Variants in KLHL12 observed in about 807,000 individuals in gnomAD.
The protein encoded by KLHL12 is kelch like family member 12.
A neutral mutation model predicts 60.8 loss-of-function variants in KLHL12; 17 were observed. That is an observed-to-expected ratio of 0.28 (90% CI 0.19 to 0.42). KLHL12 has a LOEUF of 0.42. KLHL12 is among the 10% of genes least tolerant of loss of function. The probability of loss-of-function intolerance (pLI) is 1.00; values close to 1 mark genes in which losing one functional copy is unlikely to be tolerated. For missense variants in KLHL12, 468 were observed against 722.3 expected, an observed-to-expected ratio of 0.65 and a Z score of 4.04; for synonymous variants, 220 against 250.9, an observed-to-expected ratio of 0.88 and a Z score of 1.16.
chr1:202,901,785 G>A lies in KLHL12; in HGVS notation c.833-4825C>T, dbSNP rs114442561. ...TGCCAACAGAGCTTTTGATAACTAT[G>A]AGAGCAACAGTGTTTCACACTGAAT... On this transcript the variant is annotated intron_variant, in intron 6 of 11. Coordinates refer to ENST00000367261, the MANE Select transcript of KLHL12 (RefSeq NM_021633.4). 4.1e-3 allele frequency among the ~76,000 whole-genome samples: 625 copies of A among 152,284 alleles called. 3 individuals carry two copies. The highest frequency in any genetic ancestry group is 0.014 in the African/African-American group (601 of 41,560).
chr1:202,892,901 G>A lies in KLHL12; in HGVS notation c.1581-242C>T, dbSNP rs1659721378. Among the ~76,000 whole-genome samples the A allele has an allele frequency of 2.6e-5, 4 of 152,028 alleles. No individual in the cohort carries two copies. The South Asian group carries it at 8.3e-4, about 32-fold the overall frequency. On this transcript the variant is annotated intron_variant, in intron 11 of 11. Transcript: ENST00000367261. Reference sequence around the variant, plus strand: ...CATTAAGGCTGCCACTGGAGGCCAGGCATGGTGACTCTCACCTGTAATCCT... The same window carrying A: ...CATTAAGGCTGCCACTGGAGGCCAGACATGGTGACTCTCACCTGTAATCCT...
intron 6 of KLHL12, among the ~76,000 whole-genome samples, chr1:202,902,782 G>A (rs1431884525): frequency 6.6e-6 from 1 of 152,062 alleles, no homozygotes; most frequent in Non-Finnish European, 1.5e-5. Flanking sequence ...ATGAACCCAG[G>A]AGATCAAGAC....
chr1:202,921,064 G>A (rs956163664), intron 2 of KLHL12, among the ~76,000 whole-genome samples: 2 of 152,040 alleles, frequency 1.3e-5, no homozygotes, highest in South Asian at 4.1e-4. Context: ...AGGCTGGAGT[G>A]CAGTGGTGTG....
upstream of KLHL12, chr1:202,927,291 C>CG: frequency 1.0e-6 from 1 of 985,198 alleles, no homozygotes. Context: ...CGCCCTCCCC[C>CG]CGCTCCAGAG....
upstream of KLHL12, among the ~76,000 whole-genome samples, chr1:202,927,519 C>CGAAAAA (rs1277986137): frequency 1.9e-5 from 1 of 52,814 alleles, no homozygotes; most frequent in African/African-American, 8.3e-5. Context: ...CCCGTTTCTA[C>CGAAAAA]AAAAAAAAAA....
At chr1:202,923,629 C>T (rs2102460752) in intron 2 of KLHL12, among the ~76,000 whole-genome samples, 1 of 152,142 alleles carries the variant, frequency 6.6e-6, no homozygotes, top group African/African-American at 2.4e-5. Flanking sequence ...AATGAAATCC[C>T]ACCTCTAGCA....
intron 6 of KLHL12, among the ~76,000 whole-genome samples, chr1:202,903,158 T>TAA (rs1660065345): frequency 6.5e-5 from 1 of 15,436 alleles, no homozygotes; most frequent in African/African-American, 3.0e-4. Flanking sequence ...AGACCTTGTC[T>TAA]CAAAAAAAAA....
At chr1:202,911,308 C>G in intron 4 of KLHL12, 105 bp from the exon 5 acceptor site, 1 of 1,271,148 alleles carries the variant, frequency 7.9e-7, no homozygotes. Flanking sequence ...CATTGCCCAC[C>G]ACCATTATTT....
At position 202,891,236 on chromosome 1, in the gene KLHL12, G is replaced by C. The variant is rs1241850601; in HGVS notation, c.*1297C>G. 6.6e-6 allele frequency: 1 copy of C among 152,560 alleles called. No individual in the cohort carries two copies. The highest frequency in any genetic ancestry group is 1.5e-5 in the Non-Finnish European group (1 of 68,024). The allele number at this position is 152,560 out of a possible 1,614,324, so 9.5% of individuals were successfully genotyped here. A position where few individuals can be genotyped will look rare whatever the true frequency, so the allele number is the denominator to read the frequency against. ...GGAATTTCAGAGCAAAGGTTGTTTA[G>C]GTTATCACATTCCCACACTCCTAAT... On this transcript the variant is annotated 3_prime_UTR_variant, in exon 12 of 12. Transcript: ENST00000367261.
intron 6 of KLHL12, among the ~76,000 whole-genome samples, chr1:202,903,483 A>G (rs145298894): frequency 1.7e-3 from 251 of 146,068 alleles, no homozygotes; most frequent in African/African-American, 6.0e-3. Context: ...TTTTTGAGAC[A>G]AGGTCTTGCT....
intron 6 of KLHL12, among the ~76,000 whole-genome samples, chr1:202,900,635 G>A (rs1012262210): frequency 5.9e-5 from 9 of 152,114 alleles, no homozygotes; most frequent in African/African-American, 1.7e-4. Flanking sequence ...AGGCCGAGGC[G>A]GGTGGATCAC....
Position 202,927,147 on chromosome 1 carries a change from T to A in KLHL12, c.-104A>T. On this transcript the variant is annotated 5_prime_UTR_variant, in exon 1 of 12. Coordinates refer to ENST00000367261, the MANE Select transcript of KLHL12 (RefSeq NM_021633.4). Reference sequence around the variant, plus strand: ...CCGTCCCCAGCCTGTGGGGATGGAGTGCGGCGCGGGGCTAGCAGGCGGCTC... The same window carrying A: ...CCGTCCCCAGCCTGTGGGGATGGAGAGCGGCGCGGGGCTAGCAGGCGGCTC... 1 of 985,156 alleles carries A rather than the reference T, an allele frequency of 1.0e-6. No individual in the cohort carries two copies. 61.0% of individuals were successfully genotyped at this position (985,156 alleles called of 1,614,324 possible). A position where few individuals can be genotyped will look rare whatever the true frequency, so the allele number is the denominator to read the frequency against.
chr1:202,901,641 A>G (rs1434948348), intron 6 of KLHL12, among the ~76,000 whole-genome samples: 1 of 151,964 alleles, frequency 6.6e-6, no homozygotes, highest in Non-Finnish European at 1.5e-5. Flanking sequence ...GGATCCTTCG[A>G]TCACTGATTC....
intron 4 of KLHL12, chr1:202,912,591 C>A: frequency 1.6e-6 from 2 of 1,286,468 alleles, no homozygotes; most frequent in Non-Finnish European, 1.1e-6. Flanking sequence ...AATTTTGGAC[C>A]CATGAAGGGA....
upstream of KLHL12, chr1:202,928,533 A>C: frequency 7.7e-7 from 1 of 1,304,406 alleles, no homozygotes; most frequent in Non-Finnish European, 1.0e-6. Context: ...AGAGGCCTCA[A>C]ATTTATTCAC....
intron 6 of KLHL12, 23 bp downstream of exon 6, chr1:202,908,987 A>C: frequency 6.9e-7 from 1 of 1,455,468 alleles, no homozygotes; most frequent in African/African-American, 1.4e-5. Flanking sequence ...GCATCCCCTC[A>C]TTCTGCCGAG....
rs200771973 is a variant in KLHL12, at chr1:202,925,301, T to C, written c.-45-94A>G. 4.9e-5 allele frequency: 69 copies of C among 1,406,012 alleles called. No homozygotes were observed. The East Asian group carries it at 1.8e-3, about 37-fold the overall frequency. The allele number at this position is 1,406,012 out of a possible 1,614,324, so 87.1% of individuals were successfully genotyped here. A position where few individuals can be genotyped will look rare whatever the true frequency, so the allele number is the denominator to read the frequency against. On this transcript the variant is annotated intron_variant, in intron 1 of 11. Coordinates refer to ENST00000367261, the MANE Select transcript of KLHL12 (RefSeq NM_021633.4). ...TTTACAAATTAAGAACCTAAGAGGC[T>C]TCCTCAGACCCAAACATACACAAGT... is the stretch of plus-strand genomic sequence containing the variant.
intron 2 of KLHL12, among the ~76,000 whole-genome samples, chr1:202,924,445 A>C (rs529793267): frequency 1.1e-4 from 17 of 152,262 alleles, no homozygotes; most frequent in Admixed American, 8.5e-4. Context: ...TTCACTTAAA[A>C]ATTTTTAAAC....
chr1:202,899,105 G>A (rs1659927183), intron 6 of KLHL12, among the ~76,000 whole-genome samples: 1 of 151,992 alleles, frequency 6.6e-6, no homozygotes, highest in Non-Finnish European at 1.5e-5. Context: ...TTGAGGTAAG[G>A]AGTTTGAGAC....
Sources: allele counts gnomAD v4.1 joint callset (sites outside exome capture counted in the v4.1 genomes callset), GRCh38; gene constraint gnomAD v4.1.1; transcripts MANE v1.5; gene names NCBI Gene and HGNC (gene_info 2026-07-23, HGNC 2026-07-21).